Variants in FAM181A observed in about 807,000 individuals in gnomAD.
FAM181A encodes protein FAM181A.
FAM181A carries 7 observed loss-of-function variants against 16.3 expected under a neutral mutation model. The observed-to-expected ratio is 0.43, with a 90% confidence interval of 0.24 to 0.81. The LOEUF (loss-of-function observed/expected upper bound fraction) is 0.81, where lower values mean the gene tolerates loss of function less well. Ranked by LOEUF, FAM181A falls within the 30% of genes least tolerant of loss-of-function variation. The pLI, the probability that FAM181A is intolerant of heterozygous loss-of-function variation, is 0.24. For missense variants in FAM181A, 349 were observed against 377.5 expected, an observed-to-expected ratio of 0.92 and a Z score of 0.63; for synonymous variants, 183 against 164.9, an observed-to-expected ratio of 1.11 and a Z score of -0.84.
At chr14:93,923,887 A>G (rs1462570314), upstream of FAM181A, 1 of 152,266 alleles carries the variant, frequency 6.6e-6, no homozygotes, top group Non-Finnish European at 1.5e-5. Context: ...CATGTAAGCC[A>G]TAGCAACCAC....
upstream of FAM181A, chr14:93,927,060 A>ACACACACACACACACACACC (rs143090510): frequency 0.027 from 4,184 of 153,954 alleles, 132 homozygotes; most frequent in South Asian, 0.036. Flanking sequence ...ACACACACAC[A>ACACACACACACACACACACC]CCCCACCCCC....
At chr14:93,922,140 C>G (rs1376036003) in intron 1 of FAM181A, 1 of 152,192 alleles carries the variant, frequency 6.6e-6, no homozygotes, top group Admixed American at 6.5e-5. Context: ...AATGAGAAGT[C>G]AGCCCATCTT....
At chr14:93,921,725 T>C (rs1472030362) in intron 1 of FAM181A, among the ~76,000 whole-genome samples, 2 of 152,054 alleles carry the variant, frequency 1.3e-5, no homozygotes, top group Non-Finnish European at 2.9e-5. Flanking sequence ...CAGGGGTGGC[T>C]GGGAAGAGTC....
In FAM181A at chr14:93,929,217, C is replaced by G; in HGVS notation, c.*53C>G. 1 of 1,497,578 alleles carries G rather than the reference C, an allele frequency of 6.7e-7. No homozygotes were observed. The highest frequency in any genetic ancestry group is 8.9e-7 in the Non-Finnish European group (1 of 1,129,528). The allele number at this position is 1,497,578 out of a possible 1,614,324, so 92.8% of individuals were successfully genotyped here. ...CTCTGGCCTGCAGGAGTGTCGAGGTCCCCGAGGCGCTCTCCTGTGAGGAGG... is the reference window on the plus strand; with the variant it reads ...CTCTGGCCTGCAGGAGTGTCGAGGTGCCCGAGGCGCTCTCCTGTGAGGAGG... On this transcript the variant is annotated 3_prime_UTR_variant, in exon 2 of 2. Transcript: ENST00000556222.
Position 93,929,243 on chromosome 14 carries a change from T to C in FAM181A, c.*79T>C, listed in dbSNP as rs1189083634. 30 of 1,480,024 alleles carry C rather than the reference T, an allele frequency of 2.0e-5. No homozygotes were observed. In the Admixed American group the frequency reaches 6.9e-4, roughly 34 times the overall value. 91.7% of individuals were successfully genotyped at this position (1,480,024 alleles called of 1,614,324 possible). A position where few individuals can be genotyped will look rare whatever the true frequency, so the allele number is the denominator to read the frequency against. ...CCCGAGGCGCTCTCCTGTGAGGAGG[T>C]GGCTGGGCCACAGTGTGGCCTCTTC... On this transcript the variant is annotated 3_prime_UTR_variant, in exon 2 of 2. Transcript: ENST00000556222.
intron 1 of FAM181A, among the ~76,000 whole-genome samples, chr14:93,920,964 T>C (rs917258302): frequency 2.0e-5 from 3 of 152,224 alleles, no homozygotes; most frequent in African/African-American, 7.2e-5. Context: ...GGAGTGTAAG[T>C]GGGCTTACCT....
chr14:93,927,577 GCTT>G, intron 1 of FAM181A, 123 bp downstream of exon 1: 1 of 1,286,710 alleles, frequency 7.8e-7, no homozygotes, highest in Non-Finnish European at 1.0e-6. Flanking sequence ...TGCTGCAGAT[GCTT>G]CTTCGGGGGA....
chr14:93,927,723 C>G (rs1189921526), intron 1 of FAM181A: 17 of 572,186 alleles, frequency 3.0e-5, no homozygotes, highest in Non-Finnish European at 3.5e-5. Context: ...TGGTGCTCCT[C>G]GTGCTGGGGG....
At chr14:93,927,309 G>C (rs1595288071), upstream of FAM181A, 1 of 1,050,580 alleles carries the variant, frequency 9.5e-7, no homozygotes, top group Non-Finnish European at 1.2e-6. Flanking sequence ...CCCCAGCTCC[G>C]GGGAGTTGTC....
upstream of FAM181A, chr14:93,925,049 G>C (rs1362696041): frequency 1.9e-6 from 1 of 519,798 alleles, no homozygotes; most frequent in Admixed American, 4.1e-5. Flanking sequence ...CTCAAAAAGT[G>C]TTTGGTGGAA....
Position 93,928,567 on chromosome 14 carries a change from C to T in FAM181A, c.282C>T (p.Gly94=), listed in dbSNP as rs769039344. Residue 94 remains glycine, a synonymous_variant, in exon 2 of 2, where the codon GGC becomes GGT. Transcript: ENST00000556222. Reference sequence around the variant, plus strand: ...ATTCCAGCCCCGGCGGGGGTGGGGGCTGCAAGGAGAAGGTGCTGAGGAACC... The same window carrying T: ...ATTCCAGCCCCGGCGGGGGTGGGGGTTGCAAGGAGAAGGTGCTGAGGAACC... The part of the protein sequence containing the change: ...GPDSSPGGGG[G]CKEKVLRNPY... 6 of 1,613,556 alleles carry T rather than the reference C, an allele frequency of 3.7e-6. No individual in the cohort carries two copies. The highest frequency in any genetic ancestry group is 2.7e-5 in the African/African-American group (2 of 75,046).
intron 1 of FAM181A, among the ~76,000 whole-genome samples, chr14:93,921,281 A>C (rs533089692): frequency 6.6e-6 from 1 of 152,308 alleles, no homozygotes; most frequent in Admixed American, 6.5e-5. Context: ...AGCACTTCCA[A>C]CGTGGGACTT....
At chr14:93,925,300 G>C (rs184062427), upstream of FAM181A, 13 of 1,613,802 alleles carry the variant, frequency 8.1e-6, no homozygotes, top group Admixed American at 2.2e-4. Flanking sequence ...AGATCTTCTG[G>C]AGAGAGGAAT....
upstream of FAM181A, among the ~76,000 whole-genome samples, chr14:93,926,685 G>A (rs1018722183): frequency 2.6e-5 from 4 of 152,116 alleles, no homozygotes; most frequent in African/African-American, 9.7e-5. This position sits in a 1 kb window ranked among gnomAD's most constrained non-coding sequence, Gnocchi z 5.2. Flanking sequence ...GGATATCCCA[G>A]CACCTCGTTA....
upstream of FAM181A, among the ~76,000 whole-genome samples, chr14:93,922,865 C>T (rs556914649): frequency 2.0e-5 from 3 of 152,318 alleles, no homozygotes; most frequent in South Asian, 4.1e-4. Flanking sequence ...TCAGAACAGA[C>T]TCCTTGTTCT....
upstream of FAM181A, chr14:93,927,061 C>CA (rs11272094): frequency 0.082 from 7,149 of 87,148 alleles, 250 homozygotes; most frequent in Non-Finnish European, 0.12. Context: ...CACACACACA[C>CA]CCCACCCCCT....
In FAM181A at chr14:93,929,338, T is replaced by C; in HGVS notation, c.*174T>C. On this transcript the variant is annotated 3_prime_UTR_variant, in exon 2 of 2. Transcript: ENST00000556222. ...TCCTCAGGCAGTGACCCTTCAGCCT[T>C]GCAGCCTTGGAAGCTGGGAGGCTGG... 1 of 906,614 alleles carries C rather than the reference T, an allele frequency of 1.1e-6. No individual in the cohort carries two copies. The highest frequency in any genetic ancestry group is 1.5e-6 in the Non-Finnish European group (1 of 657,178). The allele number at this position is 906,614 out of a possible 1,614,324, so 56.2% of individuals were successfully genotyped here.
chr14:93,927,676 G>C lies in FAM181A; in HGVS notation c.-88+222G>C, dbSNP rs1370138721. On this transcript the variant is annotated intron_variant, in intron 1 of 1. Coordinates refer to ENST00000556222, the MANE Select transcript of FAM181A (RefSeq NM_001207073.2). ...AGGGGTCCTGCCTGGTCCTGCGTGA[G>C]AGCTGGGGGTGGAGCGTGGGGACTG... The C allele has an allele frequency of 4.8e-6, 6 of 1,261,492 alleles. No homozygotes were observed. The South Asian group carries it at 6.3e-5, about 13-fold the overall frequency. The allele number at this position is 1,261,492 out of a possible 1,614,324, so 78.1% of individuals were successfully genotyped here. A position where few individuals can be genotyped will look rare whatever the true frequency, so the allele number is the denominator to read the frequency against.
In FAM181A at chr14:93,928,897, G is replaced by T; in HGVS notation, c.612G>T (p.Leu204Phe). ...CGCTCAAGATGCCTGGGGTCTCCTT[G>T]GTGGGCCGCGTCAATGCCTGGAGTT... ...KEPLKMPGVS[L>F]VGRVNAWSCC... Residue 204 changes from leucine (L) to phenylalanine (F), a missense_variant, in exon 2 of 2, where the codon TTG becomes TTT. Transcript: ENST00000556222. 1 of 1,614,172 alleles carries T rather than the reference G, an allele frequency of 6.2e-7. No individual in the cohort carries two copies. The highest frequency in any genetic ancestry group is 8.5e-7 in the Non-Finnish European group (1 of 1,180,012).
Sources: gnomAD v4.1 joint callset for allele counts (sites outside exome capture counted in the v4.1 genomes callset) on GRCh38, gnomAD v4.1.1 for gene constraint, Gnocchi (gnomAD v3.1) non-coding constraint, MANE v1.5 for transcripts, NCBI Gene and HGNC (gene_info 2026-07-23, HGNC 2026-07-21) for gene names.